SLC9A9: variants seen among roughly 807,000 people sequenced by gnomAD.
The protein encoded by SLC9A9 is sodium/hydrogen exchanger 9.
In SLC9A9, 62 loss-of-function variants were observed where a neutral mutation model predicts 77.8. The observed-to-expected ratio is 0.80, with a 90% CI of 0.65 to 0.98. SLC9A9 has a LOEUF of 0.98. SLC9A9 is among the 50% of genes least tolerant of loss of function. The pLI is 0.00. For missense variants in SLC9A9, 775 were observed against 774.9 expected (o/e 1.00, Z 0.00); for synonymous variants, 320 against 283.5 (o/e 1.13, Z -1.29).
chr3:143,744,792 G>A (rs1560060032), intron 4 of SLC9A9, among the ~76,000 whole-genome samples: 2 of 152,154 alleles, frequency 1.3e-5, no homozygotes, highest in Admixed American at 1.3e-4. Context: ...AGAATCAGAG[G>A]AAAGAGGTAT....
At chr3:143,621,216 A>G (rs1393114384) in intron 6 of SLC9A9, among the ~76,000 whole-genome samples, 1 of 152,232 alleles carries the variant, frequency 6.6e-6, no homozygotes, top group African/African-American at 2.4e-5. Context: ...AAAAGGCAGC[A>G]GAATCCTCTG....
At chr3:143,722,143 GTTC>G (rs1210666524) in intron 4 of SLC9A9, among the ~76,000 whole-genome samples, 2 of 152,204 alleles carry the variant, frequency 1.3e-5, no homozygotes, top group African/African-American at 4.8e-5. Context: ...AGCACTCCCC[GTTC>G]TTCTTAATCC....
intron 14 of SLC9A9, among the ~76,000 whole-genome samples, chr3:143,356,723 C>G (rs556656223): frequency 1.7e-3 from 254 of 152,144 alleles, no homozygotes; most frequent in Non-Finnish European, 2.7e-3. Flanking sequence ...CTATGTTGCC[C>G]AGGGTGGTCT....
intron 6 of SLC9A9, among the ~76,000 whole-genome samples, chr3:143,587,763 C>T (rs2037567789): frequency 6.6e-6 from 1 of 152,216 alleles, no homozygotes; most frequent in Admixed American, 6.5e-5. Flanking sequence ...GATCCCATGA[C>T]ACTCTTCAAA....
At chr3:143,652,197 A>G (rs987033723) in intron 6 of SLC9A9, 58 bp downstream of exon 6, 40 of 1,331,978 alleles carry the variant, frequency 3.0e-5, no homozygotes, top group Admixed American at 1.7e-4. Flanking sequence ...GAGAAAAGAT[A>G]CAAGTGAAAG....
At chr3:143,417,264 G>A (rs1042647292) in intron 12 of SLC9A9, among the ~76,000 whole-genome samples, 5 of 152,088 alleles carry the variant, frequency 3.3e-5, no homozygotes, top group African/African-American at 1.2e-4. Flanking sequence ...GACAGAAACT[G>A]TAGTGGCAGA....
intron 11 of SLC9A9, among the ~76,000 whole-genome samples, chr3:143,484,434 ATCAGAAT>A (rs1450858185): frequency 6.6e-6 from 1 of 152,208 alleles, no homozygotes; most frequent in Non-Finnish European, 1.5e-5. Context: ...ATGTATAGCT[ATCAGAAT>A]TCATGCAGAA....
chr3:143,401,258 CCTCT>C (rs2033850193), intron 12 of SLC9A9, among the ~76,000 whole-genome samples: 1 of 152,106 alleles, frequency 6.6e-6, no homozygotes, highest in African/African-American at 2.4e-5. Flanking sequence ...CTCCTTAATC[CCTCT>C]CTATCTACCC....
At chr3:143,397,854 A>G (rs1051856435) in intron 12 of SLC9A9, among the ~76,000 whole-genome samples, 3 of 152,204 alleles carry the variant, frequency 2.0e-5, no homozygotes, top group Non-Finnish European at 2.9e-5. Context: ...CAAAATCACA[A>G]GTATACTTTG....
chr3:143,452,503 T>TAAAAAAA (rs58038873), intron 12 of SLC9A9, among the ~76,000 whole-genome samples: 2 of 108,880 alleles, frequency 1.8e-5, no homozygotes, highest in East Asian at 2.6e-4. Context: ...TTAAAAAGAC[T>TAAAAAAA]AAAAAAAAAA....
rs201594497 is a variant in SLC9A9 at position 143,552,343 on chromosome 3, A to G, written c.1089+19T>C. The G allele has an allele frequency of 1.4e-5, 22 of 1,573,504 alleles. No homozygotes were observed. Among genetic ancestry groups the G allele is most frequent in the East Asian group, 6.7e-5 (3 of 44,528 alleles). On this transcript the variant is annotated intron_variant, in intron 9 of 15. Coordinates refer to ENST00000316549, the MANE Select transcript of SLC9A9 (RefSeq NM_173653.4). ...CACTGAGAAAAGAGACCAAGTCTGT[A>G]GTAAATTTTTTCTTTTACCTGTTTA...
At chr3:143,737,476 A>T (rs1229126695) in intron 4 of SLC9A9, among the ~76,000 whole-genome samples, 2 of 141,406 alleles carry the variant, frequency 1.4e-5, no homozygotes, top group Admixed American at 7.0e-5. Context: ...AATGAGAGTT[A>T]AAAAAAAAAC....
intron 12 of SLC9A9, among the ~76,000 whole-genome samples, chr3:143,439,612 G>A (rs2108543324): frequency 6.6e-6 from 1 of 152,298 alleles, no homozygotes; most frequent in South Asian, 2.1e-4. Context: ...GGCTTGAGAG[G>A]TCACAGAGCC....
At chr3:143,359,188 G>T (rs1335377336) in intron 14 of SLC9A9, among the ~76,000 whole-genome samples, 2 of 152,190 alleles carry the variant, frequency 1.3e-5, no homozygotes, top group African/African-American at 4.8e-5. Context: ...AATATTGCTT[G>T]CTTGCTTAAT....
intron 1 of SLC9A9, among the ~76,000 whole-genome samples, chr3:143,839,501 TACACACACACAC>T (rs57906338): frequency 1.3e-5 from 2 of 150,238 alleles, no homozygotes; most frequent in East Asian, 2.0e-4. Context: ...ACAACACACA[TACACACACACAC>T]ACACACACAC....
chr3:143,462,864 G>C (rs1166201794), intron 12 of SLC9A9, among the ~76,000 whole-genome samples: 1 of 152,206 alleles, frequency 6.6e-6, no homozygotes, highest in Admixed American at 6.5e-5. Context: ...CACTAGTTGA[G>C]TGTGCAGGCC....
At chr3:143,320,255 G>A (rs2031371503) in intron 14 of SLC9A9, among the ~76,000 whole-genome samples, 1 of 152,220 alleles carries the variant, frequency 6.6e-6, no homozygotes, top group Admixed American at 6.5e-5. Flanking sequence ...GTTGCTCAAT[G>A]AATACTGTTT....
intron 14 of SLC9A9, among the ~76,000 whole-genome samples, chr3:143,278,575 G>T (rs1290378708): frequency 6.6e-6 from 1 of 152,162 alleles, no homozygotes; most frequent in Non-Finnish European, 1.5e-5. Flanking sequence ...TTCCCTGGCT[G>T]GTAGACGCAT....
intron 9 of SLC9A9, among the ~76,000 whole-genome samples, chr3:143,505,103 T>A (rs926609993): frequency 6.6e-6 from 1 of 152,046 alleles, no homozygotes; most frequent in Non-Finnish European, 1.5e-5. Context: ...AAAGGTAAAT[T>A]TCTTTGTACC....
Sources: allele counts gnomAD v4.1 joint callset (sites outside exome capture counted in the v4.1 genomes callset), GRCh38; gene constraint gnomAD v4.1.1; transcripts MANE v1.5; gene names NCBI Gene and HGNC (gene_info 2026-07-23, HGNC 2026-07-21).